Variants in PDE7B observed in about 807,000 individuals in gnomAD.
PDE7B encodes the protein phosphodiesterase 7B.
PDE7B carries 29 observed loss-of-function variants against 56.2 expected under a neutral mutation model. The observed-to-expected ratio is 0.52, with a 90% CI of 0.38 to 0.70. The LOEUF (loss-of-function observed/expected upper bound fraction) is 0.70. Among genes scored for constraint, PDE7B ranks in the 30% least tolerant of loss-of-function variants. The probability of loss-of-function intolerance (pLI) is 0.00; values close to 1 mark genes in which losing one functional copy is unlikely to be tolerated. For synonymous variants in PDE7B, 197 were observed against 196.9 expected (o/e 1.00, Z 0.00); for missense variants, 490 against 565.0 (o/e 0.87, Z 1.35).
At chr6:135,959,731 T>C (rs1362631942) in intron 2 of PDE7B, among the ~76,000 whole-genome samples, 2 of 151,944 alleles carry the variant, frequency 1.3e-5, no homozygotes, top group Admixed American at 1.3e-4. Context: ...TTTTGTATAA[T>C]TTAACAGACA....
At chr6:135,907,288 A>C (rs754439087) in intron 1 of PDE7B, among the ~76,000 whole-genome samples, 4 of 152,140 alleles carry the variant, frequency 2.6e-5, no homozygotes, top group Non-Finnish European at 4.4e-5. Flanking sequence ...ACTACCTTCC[A>C]TTTCCAACTC....
rs539187626 is a variant in PDE7B, at chr6:135,907,410, G to A, written c.22-40054G>A. Among the ~76,000 whole-genome samples the A allele has an allele frequency of 2.4e-4, 37 of 152,070 alleles. No individual in the cohort carries two copies. In the Middle Eastern group the frequency reaches 0.01, roughly 42 times the overall value. ...AAGAATTACAGAGCTTAGTTTTCAC[G>A]GATCAGGCCTCTTCCAGTTTCTGCT... On this transcript the variant is annotated intron_variant, in intron 1 of 12. Transcript: ENST00000308191.
intron 2 of PDE7B, among the ~76,000 whole-genome samples, chr6:136,000,725 C>A (rs9389351): frequency 0.31 from 47,242 of 152,154 alleles, 8,166 homozygotes; most frequent in East Asian, 0.45. Flanking sequence ...ATTGCCTTGG[C>A]TAAGGAGGCC....
intron 2 of PDE7B, among the ~76,000 whole-genome samples, chr6:136,006,156 G>A (rs1208693849): frequency 7.2e-6 from 1 of 138,126 alleles, no homozygotes; most frequent in Non-Finnish European, 1.5e-5. Context: ...ATTGAACAAT[G>A]AGAACATATG....
chr6:136,073,036 G>T (rs982468297), intron 2 of PDE7B, among the ~76,000 whole-genome samples: 1 of 152,118 alleles, frequency 6.6e-6, no homozygotes, highest in Admixed American at 6.6e-5. Flanking sequence ...TTGGGGCTGG[G>T]CCGCTTGGAG....
intron 3 of PDE7B, among the ~76,000 whole-genome samples, chr6:136,146,319 A>G (rs1162798001): frequency 6.6e-6 from 1 of 152,230 alleles, no homozygotes; most frequent in Non-Finnish European, 1.5e-5. Flanking sequence ...TTCAGCTGAG[A>G]TAAGAAATAT....
intron 2 of PDE7B, among the ~76,000 whole-genome samples, chr6:136,084,188 C>T (rs181733983): frequency 6.6e-6 from 1 of 152,322 alleles, no homozygotes; most frequent in Admixed American, 6.5e-5. Flanking sequence ...CCCCACAACC[C>T]TCTGAGATAG....
chr6:136,141,800 C>T (rs926500267), intron 3 of PDE7B, among the ~76,000 whole-genome samples: 25 of 152,076 alleles, frequency 1.6e-4, no homozygotes, highest in Admixed American at 2.6e-4. Context: ...TCTGTGGGAT[C>T]GGTGCTGATA....
chr6:135,889,313 A>ATT (rs754222594), intron 1 of PDE7B, among the ~76,000 whole-genome samples: 6 of 145,720 alleles, frequency 4.1e-5, no homozygotes, highest in Non-Finnish European at 3.0e-5. Flanking sequence ...CAGCTGAACA[A>ATT]TTTTTTTTTT....
intron 1 of PDE7B, among the ~76,000 whole-genome samples, chr6:135,858,884 G>A (rs1235168108): frequency 2.0e-5 from 3 of 152,064 alleles, no homozygotes; most frequent in South Asian, 2.1e-4. Context: ...TATTCAAACC[G>A]TGTTTAAGGA....
chr6:135,898,333 C>T (rs9373153), intron 1 of PDE7B, among the ~76,000 whole-genome samples: 11,976 of 152,130 alleles, frequency 0.079, 753 homozygotes, highest in African/African-American at 0.16. Context: ...GTTTGGTCAC[C>T]TAACTGAATT....
At position 135,933,572 on chromosome 6, in the gene PDE7B, G is replaced by T. The variant is rs1774330757; in HGVS notation, c.22-13892G>T. Among the ~76,000 whole-genome samples the T allele has an allele frequency of 4.6e-5, 7 of 152,170 alleles. No homozygotes were observed. The South Asian group carries it at 1.4e-3, about 32-fold the overall frequency. On this transcript the variant is annotated intron_variant, in intron 1 of 12. Coordinates refer to ENST00000308191, the MANE Select transcript of PDE7B (RefSeq NM_018945.4). Reference sequence around the variant, plus strand: ...CTATATGTGTTGCATTATTTTGAAAGTTATTTGCTATTATTGTGTTCAATT... The same window carrying T: ...CTATATGTGTTGCATTATTTTGAAATTTATTTGCTATTATTGTGTTCAATT...
At chr6:135,884,549 A>T (rs1313639150) in intron 1 of PDE7B, among the ~76,000 whole-genome samples, 4 of 152,098 alleles carry the variant, frequency 2.6e-5, no homozygotes, top group African/African-American at 9.7e-5. Flanking sequence ...GTACTTTCTT[A>T]AGGTCACTAG....
chr6:135,957,305 T>C (rs1774814550), intron 2 of PDE7B, among the ~76,000 whole-genome samples: 1 of 151,954 alleles, frequency 6.6e-6, no homozygotes, highest in Non-Finnish European at 1.5e-5. Flanking sequence ...ACAAGAAATA[T>C]AAAAAAACTG....
At chr6:136,052,403 A>C (rs1776645243) in intron 2 of PDE7B, among the ~76,000 whole-genome samples, 1 of 152,196 alleles carries the variant, frequency 6.6e-6, no homozygotes, top group South Asian at 2.1e-4. Context: ...GTACTGGAGA[A>C]TGTCCTCCTG....
intron 5 of PDE7B, among the ~76,000 whole-genome samples, chr6:136,150,855 A>ACATGTGTG (rs1778498813): frequency 6.6e-6 from 1 of 150,518 alleles, no homozygotes; most frequent in African/African-American, 2.4e-5. Context: ...ACATATACAC[A>ACATGTGTG]TGTGTGTGTG....
In PDE7B at chr6:135,997,006, C is replaced by CTA. The variant is rs745356567; in HGVS notation, c.82+49484_82+49485dup. ...TGAGACCATCATCCACTCCTCTGAA[C>CTA]TATCCTTTAATAGCCCAGTCCCGAT... On this transcript the variant is annotated intron_variant, in intron 2 of 12. Coordinates refer to ENST00000308191, the MANE Select transcript of PDE7B (RefSeq NM_018945.4). Among the ~76,000 whole-genome samples, 15 of 152,276 alleles carry CTA rather than the reference C, an allele frequency of 9.9e-5. 1 individual carries two copies. Among genetic ancestry groups the CTA allele is most frequent in the Admixed American group, 5.2e-4 (8 of 15,302 alleles).
intron 9 of PDE7B, among the ~76,000 whole-genome samples, chr6:136,174,407 G>A (rs1201565534): frequency 1.3e-5 from 2 of 151,916 alleles, no homozygotes; most frequent in Admixed American, 6.6e-5. Flanking sequence ...TTTACCTTAC[G>A]TCTCTTGCAC....
intron 2 of PDE7B, among the ~76,000 whole-genome samples, chr6:136,080,205 T>A (rs1391684580): frequency 6.6e-6 from 1 of 152,214 alleles, no homozygotes; most frequent in Non-Finnish European, 1.5e-5. Context: ...CTCGTTCCAA[T>A]AATTTGAGAA....
Sources: allele counts gnomAD v4.1 joint callset (sites outside exome capture counted in the v4.1 genomes callset), GRCh38; gene constraint gnomAD v4.1.1; transcripts MANE v1.5; gene names NCBI Gene and HGNC (gene_info 2026-07-23, HGNC 2026-07-21).